CRISP1: variants seen among roughly 807,000 people sequenced by gnomAD.
CRISP1 encodes the protein cysteine-rich secretory protein 1.
In CRISP1, 44 loss-of-function variants were observed where a neutral mutation model predicts 33.1. The observed-to-expected ratio is 1.33, with a 90% CI of 1.05 to 1.71. The LOEUF (loss-of-function observed/expected upper bound fraction) is 1.71, where lower values mean the gene tolerates loss of function less well. Among genes scored for constraint, CRISP1 ranks in the 40% most tolerant of loss-of-function variants. The probability of loss-of-function intolerance (pLI) is 0.00; values close to 1 mark genes in which losing one functional copy is unlikely to be tolerated. For missense variants in CRISP1, 390 were observed against 301.2 expected (o/e 1.29, Z -2.18); for synonymous variants, 103 against 98.7 (o/e 1.04, Z -0.26).
At position 49,834,414 on chromosome 6, in the gene CRISP1, G is replaced by T. The variant is rs1475087280; in HGVS notation, c.*902C>A. ...CTTCAATATTCCCTAAGGCTTCAGT[G>T]CATTTTACGTTAGTTGGCCTTAACT... On this transcript the variant is annotated 3_prime_UTR_variant, in exon 8 of 8. Coordinates refer to ENST00000335847, the MANE Select transcript of CRISP1 (RefSeq NM_001131.3). The T allele has an allele frequency of 6.6e-6, 1 of 152,054 alleles. No individual in the cohort carries two copies. The highest frequency in any genetic ancestry group is 2.4e-5 in the African/African-American group (1 of 41,412). The allele number at this position is 152,054 out of a possible 1,614,324, so 9.4% of individuals were successfully genotyped here.
intron 1 of CRISP1, among the ~76,000 whole-genome samples, chr6:49,872,244 GTTGT>G (rs1354274558): frequency 1.3e-5 from 2 of 151,724 alleles, no homozygotes; most frequent in East Asian, 3.9e-4. Context: ...TTTTGATGGG[GTTGT>G]TTGTTTTTTT....
intron 1 of CRISP1, among the ~76,000 whole-genome samples, chr6:49,872,914 G>A (rs2127480063): frequency 6.6e-6 from 1 of 152,080 alleles, no homozygotes; most frequent in South Asian, 2.1e-4. Flanking sequence ...GAACTTTAAT[G>A]TAGTTTTTTC....
At chr6:49,861,744 G>T (rs1014266171) in intron 1 of CRISP1, among the ~76,000 whole-genome samples, 4 of 151,994 alleles carry the variant, frequency 2.6e-5, no homozygotes, top group Non-Finnish European at 4.4e-5. Flanking sequence ...TATTATCAAG[G>T]CATGGTGGCA....
chr6:49,858,445 A>G (rs1375305790), intron 1 of CRISP1, among the ~76,000 whole-genome samples: 1 of 152,216 alleles, frequency 6.6e-6, no homozygotes, highest in East Asian at 1.9e-4. Flanking sequence ...ATTTGTGCAG[A>G]ATAATACAGG....
upstream of CRISP1, among the ~76,000 whole-genome samples, chr6:49,868,241 T>C (rs1403720320): frequency 6.6e-6 from 1 of 152,198 alleles, no homozygotes; most frequent in Non-Finnish European, 1.5e-5. Context: ...TGGGTGCCAG[T>C]TGGCTGTTTC....
chr6:49,848,279 T>C lies in CRISP1; in HGVS notation c.216A>G (p.Ala72=). The change falls in exon 4 of 8, where the codon GCA becomes GCG. Residue 72 remains alanine, a synonymous_variant. Transcript: ENST00000335847. The part of the protein sequence containing the change: ...MLKMSWSEEA[A]QNARIFSKYC... The stretch of plus-strand genomic sequence containing the variant: ...ACTTTGAAAAAATTCTGGCATTTTG[T>C]GCAGCCTCTTCACTCCAACTCTGTA... The C allele has an allele frequency of 6.2e-7, 1 of 1,606,970 alleles. No homozygotes were observed. Among genetic ancestry groups the C allele is most frequent in the Non-Finnish European group, 8.5e-7 (1 of 1,176,894 alleles).
In CRISP1 at chr6:49,838,640, A is replaced by G. The variant is rs781062388; in HGVS notation, c.534-115T>C. ...AATTGTGTAAACATTCTTGTAAAGAACAGTGATAATTTTTAAGATGGGTGT... is the reference window on the plus strand; with the variant it reads ...AATTGTGTAAACATTCTTGTAAAGAGCAGTGATAATTTTTAAGATGGGTGT... On this transcript the variant is annotated intron_variant, in intron 6 of 7. Coordinates refer to ENST00000335847, the MANE Select transcript of CRISP1 (RefSeq NM_001131.3). 125 of 699,582 alleles carry G rather than the reference A, an allele frequency of 1.8e-4. 1 individual carries two copies. The highest frequency in any genetic ancestry group is 3.1e-4 in the Admixed American group (10 of 32,048). 43.3% of individuals were successfully genotyped at this position (699,582 alleles called of 1,614,324 possible). A position where few individuals can be genotyped will look rare whatever the true frequency, so the allele number is the denominator to read the frequency against.
chr6:49,871,167 G>A (rs1771915346), upstream of CRISP1, among the ~76,000 whole-genome samples: 1 of 150,814 alleles, frequency 6.6e-6, no homozygotes, highest in Non-Finnish European at 1.5e-5. Flanking sequence ...AAATAAAAAA[G>A]TGTGTCTGTC....
At chr6:49,845,272 A>G (rs541207029) in intron 5 of CRISP1, among the ~76,000 whole-genome samples, 1 of 152,214 alleles carries the variant, frequency 6.6e-6, no homozygotes, top group East Asian at 1.9e-4. Context: ...CTCTGTCTCT[A>G]TCCTTGACTC....
intron 1 of CRISP1, 125 bp from the exon 2 acceptor site, chr6:49,857,527 G>C (rs987210700): frequency 2.5e-6 from 2 of 794,138 alleles, no homozygotes; most frequent in East Asian, 5.6e-5. Context: ...TTTAGGATCC[G>C]AACAAGGTTT....
rs372119257 is a variant in CRISP1, at chr6:49,840,917, C to T, written c.514G>A (p.Val172Ile). 4.9e-5 allele frequency: 79 copies of T among 1,613,142 alleles called. No homozygotes were observed. Among genetic ancestry groups the T allele is most frequent in the South Asian group, 4.2e-4 (38 of 91,038 alleles). The part of the protein sequence containing the change: ...RQQGSPRYLY[V>I]CHYCHEGNDP... ...ACATACTCATGACAATAGTGACAAA[C>T]GTAGAGATATCGAGGTGATCCTTGT... The change falls in exon 6 of 8, where the codon GTT (valine) becomes ATT (isoleucine). Residue 172 changes from valine (V) to isoleucine (I), a missense_variant. Transcript: ENST00000335847.
intron 2 of CRISP1, among the ~76,000 whole-genome samples, chr6:49,856,376 A>C (rs1771498289): frequency 6.6e-6 from 1 of 152,086 alleles, no homozygotes; most frequent in South Asian, 2.1e-4. Flanking sequence ...ACCCTTCCTC[A>C]CTGGGGAAGT....
intron 1 of CRISP1, among the ~76,000 whole-genome samples, chr6:49,857,785 CAA>C (rs1276530405): frequency 6.6e-6 from 1 of 152,054 alleles, no homozygotes; most frequent in Non-Finnish European, 1.5e-5. Context: ...AAGAGGAAGT[CAA>C]AAGAGTCAAT....
chr6:49,865,204 C>A (rs1771768593), intron 1 of CRISP1, among the ~76,000 whole-genome samples: 2 of 152,184 alleles, frequency 1.3e-5, no homozygotes, highest in South Asian at 4.1e-4. Context: ...ACATAGTCAT[C>A]TGATTTATGA....
upstream of CRISP1, among the ~76,000 whole-genome samples, chr6:49,870,713 C>A (rs928065688): frequency 1.3e-5 from 2 of 152,124 alleles, no homozygotes; most frequent in Admixed American, 1.3e-4. Context: ...ATAACAACAT[C>A]CTTGAGTTAT....
At chr6:49,836,455 C>A (rs998297915) in intron 7 of CRISP1, among the ~76,000 whole-genome samples, 4 of 151,520 alleles carry the variant, frequency 2.6e-5, no homozygotes, top group African/African-American at 7.3e-5. Flanking sequence ...CCTGCCTCAG[C>A]CTCCCGAGTA....
chr6:49,842,583 G>A (rs1255606107), intron 5 of CRISP1, among the ~76,000 whole-genome samples: 1 of 152,048 alleles, frequency 6.6e-6, no homozygotes, highest in Non-Finnish European at 1.5e-5. Context: ...AAAGCCTTGT[G>A]GTATATTCCC....
chr6:49,840,892 A>G lies in CRISP1; in HGVS notation c.533+6T>C. On this transcript the variant is annotated splice_donor_region_variant and intron_variant, in intron 6 of 7. Coordinates refer to ENST00000335847, the MANE Select transcript of CRISP1 (RefSeq NM_001131.3). ...GATATATATTTTAAAAACTAATAAT[A>G]CATACTCATGACAATAGTGACAAAC... The G allele has an allele frequency of 1.2e-6, 2 of 1,607,896 alleles. No homozygotes were observed. The highest frequency in any genetic ancestry group is 8.5e-7 in the Non-Finnish European group (1 of 1,175,298).
chr6:49,835,202 T>A lies in CRISP1; in HGVS notation c.*114A>T. Reference sequence around the variant, plus strand: ...AGGATGGGAGTTAAGGTCTCCAGCATGATTAAAATCAGTGAAATTTAGCAG... The same window carrying A: ...AGGATGGGAGTTAAGGTCTCCAGCAAGATTAAAATCAGTGAAATTTAGCAG... On this transcript the variant is annotated 3_prime_UTR_variant, in exon 8 of 8. Coordinates refer to ENST00000335847, the MANE Select transcript of CRISP1 (RefSeq NM_001131.3). The A allele has an allele frequency of 8.7e-7, 1 of 1,148,246 alleles. No homozygotes were observed. The highest frequency in any genetic ancestry group is 2.1e-4 in the Middle Eastern group (1 of 4,874). 71.1% of individuals were successfully genotyped at this position (1,148,246 alleles called of 1,614,324 possible). A position where few individuals can be genotyped will look rare whatever the true frequency, so the allele number is the denominator to read the frequency against.
Sources: allele counts gnomAD v4.1 joint callset (sites outside exome capture counted in the v4.1 genomes callset), GRCh38; gene constraint gnomAD v4.1.1; transcripts MANE v1.5; gene names NCBI Gene and HGNC (gene_info 2026-07-23, HGNC 2026-07-21).